The following PARN variants were observed in gnomAD, a reference collection of about 807,000 sequenced individuals.
PARN encodes poly(A)-specific ribonuclease.
Under a neutral mutation model 102.8 loss-of-function variants are expected in PARN, and 71 were observed. The observed-to-expected ratio is 0.69, with a 90% CI of 0.57 to 0.84. PARN has a LOEUF of 0.84. Among genes scored for constraint, PARN ranks in the 40% least tolerant of loss-of-function variants. The pLI is 0.00. For synonymous variants in PARN, 261 were observed against 252.9 expected (o/e 1.03, Z -0.30); for missense variants, 782 against 760.9 (o/e 1.03, Z -0.33).
At chr16:14,533,236 T>A (rs985398282) in intron 21 of PARN, among the ~76,000 whole-genome samples, 88 of 151,892 alleles carry the variant, frequency 5.8e-4, no homozygotes, top group Non-Finnish European at 1.1e-3. Flanking sequence ...AAACCCCGTC[T>A]CCACCAAAAA....
intron 18 of PARN, among the ~76,000 whole-genome samples, chr16:14,558,755 T>C (rs1328183874): frequency 6.6e-6 from 1 of 152,196 alleles, no homozygotes; most frequent in Non-Finnish European, 1.5e-5. Flanking sequence ...CAAAATTTTA[T>C]ACTATGATTT....
intron 21 of PARN, among the ~76,000 whole-genome samples, chr16:14,503,363 CAT>C (rs1964722006): frequency 6.6e-6 from 1 of 152,174 alleles, no homozygotes; most frequent in Non-Finnish European, 1.5e-5. Flanking sequence ...AGAGCTGACT[CAT>C]ATGAGAAAAG....
rs1358009971 is a variant in PARN at position 14,479,820 on chromosome 16, A to G, written c.1670+2818T>C. Among the ~76,000 whole-genome samples the G allele has an allele frequency of 2.6e-5, 4 of 152,232 alleles. No homozygotes were observed. In the East Asian group the frequency reaches 5.8e-4, roughly 22 times the overall value. On this transcript the variant is annotated intron_variant, in intron 22 of 23. Coordinates refer to ENST00000437198, the MANE Select transcript of PARN (RefSeq NM_002582.4). ...TTGGAAGAATCAGATAGTCATATGG[A>G]AAAAAATAAACCCTGATTTCCATAT...
chr16:14,538,610 T>C (rs374101306), intron 21 of PARN, among the ~76,000 whole-genome samples: 2 of 152,178 alleles, frequency 1.3e-5, no homozygotes, highest in Admixed American at 6.6e-5. Flanking sequence ...ACAAATGACA[T>C]TGCAATTAAA....
intron 11 of PARN, 25 bp downstream of exon 11, chr16:14,604,121 C>G (rs1971040893): frequency 1.4e-6 from 2 of 1,442,390 alleles, no homozygotes. Context: ...TTCTCACCCC[C>G]CAAGAATTAA....
chr16:14,436,905 C>G, intron 23 of PARN, 133 bp from the exon 24 acceptor site: 4 of 671,192 alleles, frequency 6.0e-6, no homozygotes, highest in South Asian at 1.8e-5. Context: ...TAAACAGCTG[C>G]GCTGGAAAGA....
intron 22 of PARN, among the ~76,000 whole-genome samples, chr16:14,449,346 T>C (rs1961346603): frequency 6.6e-6 from 1 of 152,114 alleles, no homozygotes; most frequent in Non-Finnish European, 1.5e-5. Flanking sequence ...CCTCACACCA[T>C]ATAAAAGAAT....
chr16:14,516,775 G>C (rs1290661444), intron 21 of PARN, among the ~76,000 whole-genome samples: 1 of 152,180 alleles, frequency 6.6e-6, no homozygotes, highest in African/African-American at 2.4e-5. Flanking sequence ...CTGAGAGTGA[G>C]AATTAAATGT....
At chr16:14,523,478 C>A (rs912243730) in intron 21 of PARN, among the ~76,000 whole-genome samples, 6 of 152,178 alleles carry the variant, frequency 3.9e-5, no homozygotes, top group African/African-American at 1.2e-4. Flanking sequence ...CATTCTCTAA[C>A]ACAATGCAAT....
intron 21 of PARN, among the ~76,000 whole-genome samples, chr16:14,535,600 A>T (rs1243543181): frequency 1.3e-5 from 2 of 152,220 alleles, no homozygotes; most frequent in Non-Finnish European, 2.9e-5. Flanking sequence ...TCAGCAACAA[A>T]AACAGGGCTA....
intron 18 of PARN, among the ~76,000 whole-genome samples, chr16:14,580,072 G>A (rs918508094): frequency 6.6e-6 from 1 of 151,776 alleles, no homozygotes; most frequent in Non-Finnish European, 1.5e-5. Flanking sequence ...GACAAACACT[G>A]CCCCAAAAAA....
At chr16:14,464,429 T>G (rs1208627867) in intron 22 of PARN, among the ~76,000 whole-genome samples, 2 of 152,204 alleles carry the variant, frequency 1.3e-5, no homozygotes, top group Non-Finnish European at 2.9e-5. Context: ...TCTGTCCATT[T>G]AGAATTCTAT....
intron 12 of PARN, among the ~76,000 whole-genome samples, chr16:14,599,438 T>G (rs1970745857): frequency 6.6e-6 from 1 of 152,224 alleles, no homozygotes; most frequent in African/African-American, 2.4e-5. Flanking sequence ...CCAATATCTT[T>G]TTAAAACATA....
chr16:14,616,771 A>G (rs1390997562), intron 6 of PARN, among the ~76,000 whole-genome samples: 1 of 152,148 alleles, frequency 6.6e-6, no homozygotes, highest in Non-Finnish European at 1.5e-5. Flanking sequence ...AATTCCTGCC[A>G]GCAGAGGGGT....
At chr16:14,574,508 T>C (rs986095253) in intron 18 of PARN, among the ~76,000 whole-genome samples, 3 of 151,478 alleles carry the variant, frequency 2.0e-5, no homozygotes, top group African/African-American at 7.3e-5. Context: ...AGGTCAGGAG[T>C]TCGAGACAAG....
intron 21 of PARN, among the ~76,000 whole-genome samples, chr16:14,540,668 C>A (rs1483871039): frequency 6.6e-6 from 1 of 152,170 alleles, no homozygotes; most frequent in Non-Finnish European, 1.5e-5. Flanking sequence ...TGGCTCACAG[C>A]TGTAATACCA....
intron 21 of PARN, among the ~76,000 whole-genome samples, chr16:14,511,908 TACC>T (rs1965207729): frequency 6.6e-6 from 1 of 152,130 alleles, no homozygotes; most frequent in African/African-American, 2.4e-5. Flanking sequence ...CTTTCTGTGT[TACC>T]TACGCTGGTC....
rs562257081 is a variant in PARN at position 14,554,605 on chromosome 16, A to T, written c.1319-454T>A. On this transcript the variant is annotated intron_variant, in intron 19 of 23. Transcript: ENST00000437198. The stretch of plus-strand genomic sequence containing the variant: ...GCCACCGTGCCTGGCTAATTTTTTT[A>T]TTTTTTAATTTTATTTTTGTAGAGA... Among the ~76,000 whole-genome samples, 30 of 151,300 alleles carry T rather than the reference A, an allele frequency of 2.0e-4. No individual in the cohort carries two copies. In the South Asian group the frequency reaches 6.0e-3, roughly 30 times the overall value.
At chr16:14,450,383 C>G (rs1961397786) in intron 22 of PARN, among the ~76,000 whole-genome samples, 1 of 152,084 alleles carries the variant, frequency 6.6e-6, no homozygotes, top group Non-Finnish European at 1.5e-5. Flanking sequence ...GCTGATGTTT[C>G]TGGCAGACAG....
Sources: allele counts gnomAD v4.1 joint callset (sites outside exome capture counted in the v4.1 genomes callset), GRCh38; gene constraint gnomAD v4.1.1; transcripts MANE v1.5; gene names NCBI Gene and HGNC (gene_info 2026-07-23, HGNC 2026-07-21).